The following NCOR1 variants were observed in gnomAD, a reference collection of about 807,000 sequenced individuals.
NCOR1 encodes the protein protein phosphatase 1, regulatory subunit 109.
NCOR1 carries 63 observed loss-of-function variants against 288.1 expected under a neutral mutation model. The observed-to-expected ratio is 0.22, with a 90% CI of 0.18 to 0.27. The LOEUF (loss-of-function observed/expected upper bound fraction) is 0.27, where lower values mean the gene tolerates loss of function less well. NCOR1 is among the 10% of genes least tolerant of loss of function. The pLI is 1.00. For missense variants in NCOR1, 2,397 were observed against 3,019.2 expected, an observed-to-expected ratio of 0.79 and a Z score of 4.83; for synonymous variants, 1,007 against 1,065.9, an observed-to-expected ratio of 0.94 and a Z score of 1.08.
Position 16,118,046 on chromosome 17 carries a change from C to A in NCOR1, c.1916-19G>T, listed in dbSNP as rs2153121915. On this transcript the variant is annotated intron_variant, in intron 17 of 45. Coordinates refer to ENST00000268712, the MANE Select transcript of NCOR1 (RefSeq NM_006311.4). ...ACTAGACCTGCATTTTAAAAACAGA[C>A]CAAATGTTAATTGAACAGTCACCTG... 1 of 1,603,146 alleles carries A rather than the reference C, an allele frequency of 6.2e-7. No individual in the cohort carries two copies. Among genetic ancestry groups the A allele is most frequent in the African/African-American group, 1.3e-5 (1 of 74,434 alleles).
intron 1 of NCOR1, among the ~76,000 whole-genome samples, chr17:16,200,454 G>A (rs2090622540): frequency 7.8e-6 from 1 of 128,074 alleles, no homozygotes; most frequent in Admixed American, 9.8e-5. Flanking sequence ...CTGGCATCGT[G>A]CCACTGCACT....
intron 6 of NCOR1, among the ~76,000 whole-genome samples, chr17:16,153,885 G>C (rs977527294): frequency 2.0e-5 from 3 of 152,040 alleles, no homozygotes; most frequent in Non-Finnish European, 4.4e-5. Context: ...AGCTGTTAAT[G>C]AGCTAATTTT....
intron 30 of NCOR1, among the ~76,000 whole-genome samples, chr17:16,070,828 G>A (rs1219976696): frequency 6.6e-6 from 1 of 151,990 alleles, no homozygotes; most frequent in African/African-American, 2.4e-5. Context: ...TCAGGAGTTC[G>A]AAACCAGCCT....
intron 11 of NCOR1, 103 bp from the exon 12 acceptor site, chr17:16,139,289 G>T: frequency 1.2e-6 from 1 of 859,744 alleles, no homozygotes. Flanking sequence ...CATGTATGCA[G>T]TTTAATAACA....
rs1388851508 is a variant in NCOR1 at position 16,113,735 on chromosome 17, A to G, written c.2055+4153T>C. On this transcript the variant is annotated intron_variant, in intron 18 of 45. Transcript: ENST00000268712. ...TGGTGAAACCCCATCTCTACTAAAAATACAAAAATTAGCTGGGCATAGCGG... is the reference window on the plus strand; with the variant it reads ...TGGTGAAACCCCATCTCTACTAAAAGTACAAAAATTAGCTGGGCATAGCGG... 2.6e-5 allele frequency among the ~76,000 whole-genome samples: 4 copies of G among 152,124 alleles called. No homozygotes were observed. The East Asian group carries it at 7.7e-4, about 29-fold the overall frequency.
chr17:16,046,787 C>A (rs955590065), intron 42 of NCOR1, 164 bp downstream of exon 42: 12 of 760,040 alleles, frequency 1.6e-5, no homozygotes, highest in Admixed American at 6.7e-5. Flanking sequence ...AATTAGAACT[C>A]TTCATGGGCT....
chr17:16,068,434 T>A, intron 31 of NCOR1: 1 of 283,458 alleles, frequency 3.5e-6, no homozygotes, highest in South Asian at 3.8e-5. Context: ...ATCATTTTGT[T>A]TTTTGTATGA....
chr17:16,173,764 C>T (rs951293417), intron 3 of NCOR1, among the ~76,000 whole-genome samples: 3 of 152,086 alleles, frequency 2.0e-5, no homozygotes. Flanking sequence ...AAACCCATCT[C>T]TACTAAAAAA....
intron 2 of NCOR1, among the ~76,000 whole-genome samples, chr17:16,192,858 C>T (rs995400572): frequency 3.3e-5 from 5 of 151,932 alleles, no homozygotes; most frequent in Non-Finnish European, 7.4e-5. Context: ...CCATACTCAA[C>T]AATAAAAAGG....
chr17:16,170,095 C>G (rs551641198), intron 4 of NCOR1, among the ~76,000 whole-genome samples: 4 of 126,164 alleles, frequency 3.2e-5, no homozygotes, highest in Non-Finnish European at 6.9e-5. Flanking sequence ...AACATTTTAA[C>G]ATATTTGCTT....
intron 8 of NCOR1, among the ~76,000 whole-genome samples, chr17:16,150,615 A>G (rs571135196): frequency 2.0e-5 from 3 of 152,242 alleles, no homozygotes; most frequent in Admixed American, 2.0e-4. Flanking sequence ...GGCAATGTAG[A>G]TGACATGAAA....
Position 16,073,535 on chromosome 17 carries a change from T to A in NCOR1, c.3705A>T (p.Pro1235=). 6.2e-7 allele frequency: 1 copy of A among 1,611,316 alleles called. No homozygotes were observed. Among genetic ancestry groups the A allele is most frequent in the South Asian group, 1.1e-5 (1 of 90,584 alleles). Residue 1235 remains proline, a synonymous_variant, in exon 28 of 46, where the codon CCA becomes CCT. Transcript: ENST00000268712. ...IKNAREGTRS[P]RTAHEISLKR... ...TTAAACTGATTTCATGAGCTGTTCT[T>A]GGACTCCTAGTCCCTTCTCGGGCAT...
rs190220428 is a variant in NCOR1 at position 16,058,729 on chromosome 17, T to C, written c.5882-130A>G. 13 of 932,680 alleles carry C rather than the reference T, an allele frequency of 1.4e-5. No individual in the cohort carries two copies. The East Asian group carries it at 3.4e-4, about 25-fold the overall frequency. The allele number at this position is 932,680 out of a possible 1,614,324, so 57.8% of individuals were successfully genotyped here. ...CAAAGGTATTCCAGGTTAATGAGGG[T>C]TTTCTGAAGTTTTATGGGCTTTAAG... On this transcript the variant is annotated intron_variant, in intron 37 of 45. Coordinates refer to ENST00000268712, the MANE Select transcript of NCOR1 (RefSeq NM_006311.4).
intron 1 of NCOR1, among the ~76,000 whole-genome samples, chr17:16,214,877 G>A (rs1336782253): frequency 1.3e-5 from 2 of 152,290 alleles, no homozygotes; most frequent in South Asian, 2.1e-4. Flanking sequence ...ACCCTGAAGC[G>A]GTCTGTTAGA....
At chr17:16,065,968 A>G (rs1319223430) in intron 32 of NCOR1, 6 of 440,388 alleles carry the variant, frequency 1.4e-5, no homozygotes, top group Non-Finnish European at 2.5e-5. Flanking sequence ...ATGTAACTTT[A>G]TCATATTTTT....
At chr17:16,094,932 C>G (rs972323887) in intron 21 of NCOR1, among the ~76,000 whole-genome samples, 1 of 152,206 alleles carries the variant, frequency 6.6e-6, no homozygotes. Flanking sequence ...CACCTCCCAG[C>G]CGCCTGCCTT....
intron 3 of NCOR1, among the ~76,000 whole-genome samples, chr17:16,183,048 C>T (rs967971911): frequency 1.3e-5 from 2 of 151,544 alleles, no homozygotes; most frequent in Admixed American, 1.3e-4. Context: ...ATAATAAAGG[C>T]CATTTGTGAA....
chr17:16,127,737 A>ATACATATATGTGTATATG (rs2074957862), intron 14 of NCOR1, among the ~76,000 whole-genome samples: 1 of 111,322 alleles, frequency 9.0e-6, no homozygotes, highest in Admixed American at 9.2e-5. Context: ...ATGTGTATAT[A>ATACATATATGTGTATATG]TGTGTGGAGA....
chr17:16,144,720 CCT>C (rs568713182), intron 10 of NCOR1, among the ~76,000 whole-genome samples: 1 of 151,802 alleles, frequency 6.6e-6, no homozygotes, highest in East Asian at 1.9e-4. Flanking sequence ...TCTCCCTCTC[CCT>C]CTCTCTCCTC....
Sources: gnomAD v4.1 joint callset for allele counts (sites outside exome capture counted in the v4.1 genomes callset) on GRCh38, gnomAD v4.1.1 for gene constraint, MANE v1.5 for transcripts, NCBI Gene and HGNC (gene_info 2026-07-23, HGNC 2026-07-21) for gene names.